Variants in NFIA observed in about 807,000 individuals in gnomAD.
NFIA encodes nuclear factor I A.
A neutral mutation model predicts 62.8 loss-of-function variants in NFIA; 8 were observed. That is an observed-to-expected ratio of 0.13 (90% CI 0.07 to 0.23). The LOEUF (loss-of-function observed/expected upper bound fraction) is 0.23, where lower values mean the gene tolerates loss of function less well. NFIA is among the 10% of genes least tolerant of loss of function. The probability of loss-of-function intolerance (pLI) is 1.00; values close to 1 mark genes in which losing one functional copy is unlikely to be tolerated. For synonymous variants in NFIA, 235 were observed against 238.1 expected, an observed-to-expected ratio of 0.99 and a Z score of 0.12; for missense variants, 410 against 642.1, an observed-to-expected ratio of 0.64 and a Z score of 3.91.
At chr1:61,347,649 T>C (rs1662313314) in intron 4 of NFIA, among the ~76,000 whole-genome samples, 1 of 152,192 alleles carries the variant, frequency 6.6e-6, no homozygotes, top group Non-Finnish European at 1.5e-5. Flanking sequence ...CCATGACTCC[T>C]TTGAACTTTC....
intron 2 of NFIA, among the ~76,000 whole-genome samples, chr1:61,235,952 G>A (rs1654988413): frequency 6.6e-6 from 1 of 152,138 alleles, no homozygotes; most frequent in Non-Finnish European, 1.5e-5. Flanking sequence ...TTTTAGGTTA[G>A]TGCCTGACAA....
chr1:61,347,164 A>ATTT (rs1662272560), intron 4 of NFIA, among the ~76,000 whole-genome samples: 1 of 62,400 alleles, frequency 1.6e-5, no homozygotes, highest in Non-Finnish European at 3.2e-5. Flanking sequence ...CCTGGATCCC[A>ATTT]CTTTTTTTTT....
intron 10 of NFIA, among the ~76,000 whole-genome samples, chr1:61,442,600 T>C (rs1232138656): frequency 1.3e-5 from 2 of 151,072 alleles, no homozygotes; most frequent in Non-Finnish European, 2.9e-5. Context: ...GCAGTTATGT[T>C]TAATAGGCTT....
intron 2 of NFIA, among the ~76,000 whole-genome samples, chr1:61,200,664 C>T (rs1476166042): frequency 6.6e-6 from 1 of 152,156 alleles, no homozygotes; most frequent in Non-Finnish European, 1.5e-5. Flanking sequence ...TTAGGTTCCA[C>T]AAGTGCTCTA....
At chr1:61,189,695 G>C (rs901600265) in intron 2 of NFIA, among the ~76,000 whole-genome samples, 1 of 152,042 alleles carries the variant, frequency 6.6e-6, no homozygotes, top group Non-Finnish European at 1.5e-5. Context: ...GCTGCCATAG[G>C]TTGCGTCTCC....
chr1:61,197,537 ACTACT>A, intron 2 of NFIA, among the ~76,000 whole-genome samples: 1 of 150,990 alleles, frequency 6.6e-6, no homozygotes, highest in East Asian at 2.0e-4. Context: ...GCACCCGGCC[ACTACT>A]CTGGTTCTTA....
chr1:61,265,566 ATT>A (rs970929164), intron 2 of NFIA, among the ~76,000 whole-genome samples: 1 of 152,200 alleles, frequency 6.6e-6, no homozygotes, highest in African/African-American at 2.4e-5. Context: ...ATTCATGTGT[ATT>A]TGTTATAGGT....
chr1:61,138,770 CAT>C (rs568048483), intron 2 of NFIA, among the ~76,000 whole-genome samples: 12 of 151,850 alleles, frequency 7.9e-5, no homozygotes, highest in African/African-American at 2.9e-4. Context: ...TTAGTAGAGA[CAT>C]GGTTTCACCA....
intron 6 of NFIA, among the ~76,000 whole-genome samples, chr1:61,376,582 A>G (rs1200398919): frequency 6.6e-6 from 1 of 152,160 alleles, no homozygotes; most frequent in Non-Finnish European, 1.5e-5. Context: ...ATATAAGACA[A>G]ATGATTCCTA....
chr1:61,314,409 T>C (rs1414714205), intron 3 of NFIA, among the ~76,000 whole-genome samples: 1 of 152,226 alleles, frequency 6.6e-6, no homozygotes, highest in African/African-American at 2.4e-5. Context: ...TATTGAAAGT[T>C]TAATTAACTT....
chr1:61,352,339 C>T (rs982372383), intron 4 of NFIA, 111 bp from the exon 5 acceptor site: 2 of 723,566 alleles, frequency 2.8e-6, no homozygotes, highest in Non-Finnish European at 4.8e-6. Flanking sequence ...TTTCGATTCG[C>T]TTACATATAA....
chr1:61,366,636 CT>C (rs1447767856), intron 6 of NFIA, among the ~76,000 whole-genome samples: 2 of 152,122 alleles, frequency 1.3e-5, no homozygotes, highest in Non-Finnish European at 2.9e-5. Context: ...AAATTAAGTA[CT>C]TTAGGCCGAG....
chr1:61,129,507 T>C (rs928936740), intron 2 of NFIA, among the ~76,000 whole-genome samples: 1 of 149,124 alleles, frequency 6.7e-6, no homozygotes, highest in African/African-American at 2.5e-5. Context: ...TGGAGTGCAG[T>C]GGTGTGATCT....
At chr1:61,323,924 G>A (rs1242269982) in intron 3 of NFIA, among the ~76,000 whole-genome samples, 2 of 152,150 alleles carry the variant, frequency 1.3e-5, no homozygotes, top group Non-Finnish European at 2.9e-5. Flanking sequence ...TTGTAGGAGT[G>A]CAGAGATAAT....
In NFIA at chr1:61,082,668, C is replaced by G; in HGVS notation, c.-124C>G. ...AAGCAGGCTTGATTTTTTTTTCTCCCCCCTTCTCTCTCTCTCTCTCTCTCT... is the reference window on the plus strand; with the variant it reads ...AAGCAGGCTTGATTTTTTTTTCTCCGCCCTTCTCTCTCTCTCTCTCTCTCT... On this transcript the variant is annotated 5_prime_UTR_variant, in exon 1 of 11. Transcript: ENST00000403491. 6 of 1,516,340 alleles carry G rather than the reference C, an allele frequency of 4.0e-6. No homozygotes were observed. Among genetic ancestry groups the G allele is most frequent in the Non-Finnish European group, 5.3e-6 (6 of 1,130,706 alleles). 93.9% of individuals were successfully genotyped at this position (1,516,340 alleles called of 1,614,324 possible).
intron 3 of NFIA, among the ~76,000 whole-genome samples, chr1:61,320,903 G>GT (rs1037308690): frequency 1.3e-5 from 2 of 152,064 alleles, no homozygotes; most frequent in African/African-American, 2.4e-5. Context: ...ACATTTCCCT[G>GT]TTTTTTCCCT....
intron 2 of NFIA, among the ~76,000 whole-genome samples, chr1:61,176,566 A>G (rs2100555133): frequency 6.6e-6 from 1 of 152,136 alleles, no homozygotes; most frequent in African/African-American, 2.4e-5. Flanking sequence ...TATAAAATTT[A>G]TTGATATTTT....
chr1:61,169,874 T>G (rs1252896816), intron 2 of NFIA, among the ~76,000 whole-genome samples: 3 of 152,212 alleles, frequency 2.0e-5, no homozygotes, highest in African/African-American at 7.2e-5. Context: ...GTAAACCAGT[T>G]TTCTTCTGAT....
chr1:61,400,039 C>T (rs1354128667), intron 7 of NFIA, among the ~76,000 whole-genome samples: 1 of 152,006 alleles, frequency 6.6e-6, no homozygotes, highest in Non-Finnish European at 1.5e-5. Context: ...AAACTAAAAC[C>T]AAGAGAGGAT....
Sources: allele counts gnomAD v4.1 joint callset (sites outside exome capture counted in the v4.1 genomes callset), GRCh38; gene constraint gnomAD v4.1.1; transcripts MANE v1.5; gene names NCBI Gene and HGNC (gene_info 2026-07-23, HGNC 2026-07-21).